RAB38: variants seen among roughly 807,000 people sequenced by gnomAD.
RAB38 encodes ras-related protein Rab-38.
RAB38 carries 15 observed loss-of-function variants against 18.4 expected under a neutral mutation model. That is an observed-to-expected ratio of 0.82 (90% confidence interval 0.55 to 1.26). The LOEUF (loss-of-function observed/expected upper bound fraction) is 1.26, where lower values mean the gene tolerates loss of function less well. RAB38 is among the 50% of genes most tolerant of loss of function. The pLI, the probability that RAB38 is intolerant of heterozygous loss-of-function variation, is 0.00. For missense variants in RAB38, 294 were observed against 267.4 expected (o/e 1.10, Z -0.69); for synonymous variants, 101 against 104.4 (o/e 0.97, Z 0.20).
downstream of RAB38, among the ~76,000 whole-genome samples, chr11:88,110,670 A>G (rs1942461724): frequency 6.6e-6 from 1 of 152,030 alleles, no homozygotes; most frequent in Non-Finnish European, 1.5e-5. Context: ...TACAAAAATT[A>G]GCCGGGTGTG....
chr11:88,052,454 T>A, the RAB38 span, among the ~76,000 whole-genome samples: 1 of 152,136 alleles, frequency 6.6e-6, no homozygotes, highest in African/African-American at 2.4e-5. Flanking sequence ...ATGCATTGAA[T>A]CATATAAAAA....
chr11:87,957,545 A>T, the RAB38 span, among the ~76,000 whole-genome samples: 1 of 152,164 alleles, frequency 6.6e-6, no homozygotes, highest in African/African-American at 2.4e-5. Flanking sequence ...TCTAATAGTA[A>T]TCAACTGCGA....
chr11:87,817,809 C>G, the RAB38 span, among the ~76,000 whole-genome samples: 2 of 152,098 alleles, frequency 1.3e-5, no homozygotes, highest in Non-Finnish European at 2.9e-5. Flanking sequence ...TCATTCCACA[C>G]AAGAGGAAAT....
intron 2 of RAB38, among the ~76,000 whole-genome samples, chr11:88,132,358 C>T (rs927287119): frequency 1.3e-5 from 2 of 152,118 alleles, no homozygotes; most frequent in Non-Finnish European, 2.9e-5. Context: ...TACCTCAAGA[C>T]TTGTTTCATG....
chr11:88,066,619 C>G, the RAB38 span, among the ~76,000 whole-genome samples: 1 of 152,090 alleles, frequency 6.6e-6, no homozygotes, highest in African/African-American at 2.4e-5. Flanking sequence ...GGTGTAGGGG[C>G]CATGCACTAA....
the RAB38 span, among the ~76,000 whole-genome samples, chr11:88,053,851 T>C: frequency 6.7e-6 from 1 of 149,822 alleles, no homozygotes; most frequent in Non-Finnish European, 1.5e-5. Flanking sequence ...GAAAAGAAAA[T>C]GTTTGAATGA....
the RAB38 span, among the ~76,000 whole-genome samples, chr11:87,918,766 A>G: frequency 1.3e-5 from 2 of 152,024 alleles, no homozygotes; most frequent in African/African-American, 4.8e-5. Context: ...TGTTTAGAAT[A>G]TTAAGTCTTT....
At chr11:87,878,373 CGA>C in the RAB38 span, among the ~76,000 whole-genome samples, 1 of 150,000 alleles carries the variant, frequency 6.7e-6, no homozygotes, top group African/African-American at 2.5e-5. Flanking sequence ...ATCTATCTAT[CGA>C]GAGAGAATTA....
intron 2 of RAB38, among the ~76,000 whole-genome samples, chr11:88,124,312 G>T (rs2134783907): frequency 6.6e-6 from 1 of 152,170 alleles, no homozygotes; most frequent in South Asian, 2.1e-4. Context: ...CACAGCAAAA[G>T]AAACTACCAT....
chr11:87,959,928 G>T, the RAB38 span, among the ~76,000 whole-genome samples: 3 of 152,130 alleles, frequency 2.0e-5, no homozygotes, highest in Non-Finnish European at 4.4e-5. Context: ...TATGCAGAGA[G>T]AAATAAATGT....
the RAB38 span, among the ~76,000 whole-genome samples, chr11:87,868,578 G>GGA: frequency 5.6e-4 from 33 of 59,236 alleles, no homozygotes; most frequent in South Asian, 4.3e-3. Flanking sequence ...AAGGAGTGAG[G>GGA]GAGAGAGAGA....
the RAB38 span, among the ~76,000 whole-genome samples, chr11:88,029,254 G>A: frequency 3.3e-5 from 5 of 151,910 alleles, no homozygotes; most frequent in East Asian, 7.7e-4. Context: ...AGGAACAACC[G>A]GTACCAGCTG....
the RAB38 span, among the ~76,000 whole-genome samples, chr11:87,822,405 G>T: frequency 1.3e-5 from 2 of 152,144 alleles, no homozygotes; most frequent in South Asian, 2.1e-4. Flanking sequence ...GTTTCTGTGG[G>T]CCAAGAATCT....
At chr11:87,818,357 G>T in the RAB38 span, among the ~76,000 whole-genome samples, 1 of 152,016 alleles carries the variant, frequency 6.6e-6, no homozygotes, top group East Asian at 1.9e-4. Context: ...GATTTACTTG[G>T]CACTTATTCC....
the RAB38 span, among the ~76,000 whole-genome samples, chr11:88,098,928 A>AT: frequency 1.5e-4 from 23 of 151,558 alleles, no homozygotes; most frequent in African/African-American, 4.6e-4. Flanking sequence ...ACTGAAAAAT[A>AT]TTTTTTTGTT....
At chr11:88,069,890 A>G in the RAB38 span, among the ~76,000 whole-genome samples, 1 of 152,144 alleles carries the variant, frequency 6.6e-6, no homozygotes, top group African/African-American at 2.4e-5. Flanking sequence ...AAATACACCA[A>G]TCAGCACTCT....
intron 1 of RAB38, among the ~76,000 whole-genome samples, chr11:88,172,370 T>G (rs1338584743): frequency 6.6e-6 from 1 of 152,214 alleles, no homozygotes; most frequent in Non-Finnish European, 1.5e-5. Context: ...GACTGGCCAA[T>G]CTACATGGCT....
At chr11:87,963,741 G>T in the RAB38 span, among the ~76,000 whole-genome samples, 6 of 151,526 alleles carry the variant, frequency 4.0e-5, no homozygotes, top group Non-Finnish European at 7.4e-5. Context: ...CTGCCTCCCG[G>T]GTTCAAGTGA....
the RAB38 span, among the ~76,000 whole-genome samples, chr11:87,974,736 C>T: frequency 8.0e-5 from 12 of 150,360 alleles, no homozygotes; most frequent in Non-Finnish European, 1.2e-4. Flanking sequence ...GGAAATGATA[C>T]TTTATATACA....
Sources: gnomAD v4.1 joint callset for allele counts (sites outside exome capture counted in the v4.1 genomes callset) on GRCh38, gnomAD v4.1.1 for gene constraint, MANE v1.5 for transcripts, NCBI Gene and HGNC (gene_info 2026-07-23, HGNC 2026-07-21) for gene names.